DNAJC17: variants seen among roughly 807,000 people sequenced by gnomAD.
The protein encoded by DNAJC17 is DnaJ heat shock protein family (Hsp40) member C17.
A neutral mutation model predicts 48.1 loss-of-function variants in DNAJC17; 35 were observed. That is an observed-to-expected ratio of 0.73 (90% confidence interval 0.56 to 0.96). The LOEUF (loss-of-function observed/expected upper bound fraction) is 0.96. Among genes scored for constraint, DNAJC17 ranks in the 50% least tolerant of loss-of-function variants. The pLI, the probability that DNAJC17 is intolerant of heterozygous loss-of-function variation, is 0.00. For synonymous variants in DNAJC17, 117 were observed against 142.7 expected (o/e 0.82, Z 1.28); for missense variants, 355 against 377.1 (o/e 0.94, Z 0.48).
intron 1 of DNAJC17, 139 bp from the exon 2 acceptor site, chr15:40,780,136 G>C: frequency 1.2e-6 from 1 of 824,766 alleles, no homozygotes; most frequent in Non-Finnish European, 2.0e-6. Context: ...CCACCAGGGA[G>C]ACTGGCAATG....
At chr15:40,806,393 A>T (rs913000210) in intron 1 of DNAJC17, among the ~76,000 whole-genome samples, 9 of 150,974 alleles carry the variant, frequency 6.0e-5, no homozygotes, top group African/African-American at 1.5e-4. Flanking sequence ...TAATTTTTGT[A>T]TTTTTAGTAG....
intron 1 of DNAJC17, among the ~76,000 whole-genome samples, chr15:40,799,752 G>A (rs1303031991): frequency 6.6e-6 from 1 of 151,964 alleles, no homozygotes; most frequent in Non-Finnish European, 1.5e-5. Context: ...AATTTTTTGA[G>A]GACTCACCAT....
chr15:40,782,972 G>A lies in DNAJC17; in HGVS notation c.79-2975C>T, dbSNP rs1889544612. Among the ~76,000 whole-genome samples the A allele has an allele frequency of 2.6e-5, 4 of 152,232 alleles. No individual in the cohort carries two copies. In the South Asian group the frequency reaches 8.3e-4, roughly 32 times the overall value. ...TCGCCCACCGAAGCACATCTGCCCT[G>A]CCTGCTCACCTCCCACCCTAACCCT... On this transcript the variant is annotated intron_variant, in intron 1 of 10. Transcript: ENST00000220496.
chr15:40,801,109 C>T (rs1032202986), intron 1 of DNAJC17, among the ~76,000 whole-genome samples: 1 of 152,194 alleles, frequency 6.6e-6, no homozygotes, highest in Non-Finnish European at 1.5e-5. Flanking sequence ...GCAGTGGTCT[C>T]TTTAGCTACT....
In DNAJC17 at chr15:40,766,044, G is replaced by A. The variant is rs1462477236; in HGVS notation, c.*1896C>T. On this transcript the variant is annotated 3_prime_UTR_variant, in exon 11 of 11. Coordinates refer to ENST00000220496, the MANE Select transcript of DNAJC17 (RefSeq NM_018163.3). ...ATCAGAGCCCCCTGCCTGCATCCTG[G>A]GGCTCTGTTCTCCGGAGGAGTTGGT... The A allele has an allele frequency of 1.0e-5, 5 of 485,370 alleles. No individual in the cohort carries two copies. The highest frequency in any genetic ancestry group is 1.5e-5 in the Non-Finnish European group (4 of 266,750). The allele number at this position is 485,370 out of a possible 1,614,324, so 30.1% of individuals were successfully genotyped here. A position where few individuals can be genotyped will look rare whatever the true frequency, so the allele number is the denominator to read the frequency against.
At chr15:40,779,474 G>C (rs905647642) in intron 3 of DNAJC17, 71 bp downstream of exon 3, 1 of 1,598,578 alleles carries the variant, frequency 6.3e-7, no homozygotes, top group Non-Finnish European at 8.6e-7. Context: ...AAAGGGCAGA[G>C]GACCGAGGTT....
At chr15:40,782,234 TA>T (rs921248353) in intron 1 of DNAJC17, among the ~76,000 whole-genome samples, 7 of 151,262 alleles carry the variant, frequency 4.6e-5, no homozygotes, top group African/African-American at 1.7e-4. Flanking sequence ...AAAATAAAAA[TA>T]AAAAAATTTT....
At chr15:40,779,093 C>G (rs2141951400) in intron 4 of DNAJC17, 130 bp downstream of exon 4, 2 of 847,970 alleles carry the variant, frequency 2.4e-6, no homozygotes, top group South Asian at 2.7e-5. Flanking sequence ...CCTCTAAGAA[C>G]AGCGTTTTGC....
At chr15:40,775,455 A>G in intron 7 of DNAJC17, 98 bp downstream of exon 7, 1 of 1,366,426 alleles carries the variant, frequency 7.3e-7, no homozygotes, top group Non-Finnish European at 1.0e-6. Flanking sequence ...CAGATCCAGC[A>G]GCCCCACCAG....
At position 40,770,901 on chromosome 15, in the gene DNAJC17, A is replaced by G. The variant is rs746255696; in HGVS notation, c.792+2826T>C. 10 of 1,551,404 alleles carry G rather than the reference A, an allele frequency of 6.4e-6. No individual in the cohort carries two copies. Among genetic ancestry groups the G allele is most frequent in the South Asian group, 1.2e-5 (1 of 84,072 alleles). ...CCTTGTGGACACTCCCTGCTTCCAG[A>G]GGACACCTACCCCAGACCTCAGTGA... On this transcript the variant is annotated intron_variant, in intron 10 of 10. Transcript: ENST00000220496. This position sits in a 1 kb window ranked among gnomAD's most constrained non-coding sequence, Gnocchi z 5.0.
rs73398537 is a variant in DNAJC17, at chr15:40,779,797, T to C, written c.148+131A>G. ...GACACCCCTCACAGGAGGGAAGCCC[T>C]GGGACCCATTGCCTGGAGCCAGGCA... On this transcript the variant is annotated intron_variant, in intron 2 of 10. Transcript: ENST00000220496. 0.011 allele frequency: 12,866 copies of C among 1,181,544 alleles called. 1,068 individuals carry two copies. In the African/African-American group the frequency reaches 0.18, roughly 16 times the overall value. 73.2% of individuals were successfully genotyped at this position (1,181,544 alleles called of 1,614,324 possible).
intron 4 of DNAJC17, 85 bp from the exon 5 acceptor site, chr15:40,776,712 C>G (rs921880236): frequency 2.9e-6 from 4 of 1,366,374 alleles, no homozygotes. Flanking sequence ...GCTGCCTCCC[C>G]AAAGTCTCAA....
At chr15:40,776,065 T>C (rs769862268) in intron 6 of DNAJC17, 131 bp downstream of exon 6, 1 of 761,868 alleles carries the variant, frequency 1.3e-6, no homozygotes, top group Non-Finnish European at 2.2e-6. Flanking sequence ...CAGAGTAAGG[T>C]ACCATAGGGT....
Position 40,769,226 on chromosome 15 carries a change from C to G in DNAJC17, c.793-1164G>C, listed in dbSNP as rs570097423. Among the ~76,000 whole-genome samples the G allele has an allele frequency of 6.6e-6, 1 of 152,190 alleles. No individual in the cohort carries two copies. The highest frequency in any genetic ancestry group is 2.4e-5 in the African/African-American group (1 of 41,450). On this transcript the variant is annotated intron_variant, in intron 10 of 10. Transcript: ENST00000220496. The surrounding 1 kb of genome is among the most constrained non-coding windows in gnomAD (Gnocchi z 4.2). ...GGCCCAGAGCACGGCTGACAATTCA[C>G]GGCAGCCTCCCTGGCCCAGCCTCCT...
In DNAJC17 at chr15:40,794,240, C is replaced by T. The variant is rs564425926; in HGVS notation, c.78+13129G>A. Among the ~76,000 whole-genome samples, 11 of 152,122 alleles carry T rather than the reference C, an allele frequency of 7.2e-5. 1 individual carries two copies. The highest frequency in any genetic ancestry group is 1.2e-4 in the African/African-American group (5 of 41,488). On this transcript the variant is annotated intron_variant, in intron 1 of 10. Transcript: ENST00000220496. The stretch of plus-strand genomic sequence containing the variant: ...TGGTGCATGCCTATAATCCTAGCTA[C>T]TCAGGAGGCTGAAGCAGGAGATCTG...
At chr15:40,787,824 A>C (rs1218908047) in intron 1 of DNAJC17, among the ~76,000 whole-genome samples, 2 of 152,208 alleles carry the variant, frequency 1.3e-5, no homozygotes, top group African/African-American at 4.8e-5. Context: ...CACCCAAAAA[A>C]GCTAAGTGCT....
intron 8 of DNAJC17, 78 bp from the exon 9 acceptor site, chr15:40,774,514 C>T (rs1214730767): frequency 6.5e-7 from 1 of 1,529,638 alleles, no homozygotes; most frequent in Non-Finnish European, 9.0e-7. Context: ...CAAGCCTGGG[C>T]TACCTTGAGG....
intron 7 of DNAJC17, chr15:40,775,318 C>T: frequency 1.4e-6 from 1 of 701,426 alleles, no homozygotes; most frequent in Non-Finnish European, 2.4e-6. Flanking sequence ...CCAGAAGACC[C>T]TCTCCTGAGA....
chr15:40,782,086 T>C (rs1052748205), intron 1 of DNAJC17, among the ~76,000 whole-genome samples: 1 of 151,872 alleles, frequency 6.6e-6, no homozygotes, highest in Non-Finnish European at 1.5e-5. Context: ...ATGAGCCAGG[T>C]GTGGTAGCAT....
Sources: allele counts gnomAD v4.1 joint callset (sites outside exome capture counted in the v4.1 genomes callset), GRCh38; gene constraint gnomAD v4.1.1; non-coding constraint Gnocchi (gnomAD v3.1); transcripts MANE v1.5; gene names NCBI Gene and HGNC (gene_info 2026-07-23, HGNC 2026-07-21).